Variants in FBXL20 observed in about 807,000 individuals in gnomAD.
FBXL20 encodes F-box/LRR-repeat protein 20.
Under a neutral mutation model 64.0 loss-of-function variants are expected in FBXL20, and 11 were observed. The ratio of observed to expected loss-of-function variants is 0.17; its 90% confidence interval spans 0.11 to 0.28. The LOEUF (loss-of-function observed/expected upper bound fraction) is 0.28, where lower values mean the gene tolerates loss of function less well. Ranked by LOEUF, FBXL20 falls within the 10% of genes least tolerant of loss-of-function variation. The pLI is 1.00. For missense variants in FBXL20, 303 were observed against 526.2 expected, an observed-to-expected ratio of 0.58 and a Z score of 4.15; for synonymous variants, 184 against 189.0, an observed-to-expected ratio of 0.97 and a Z score of 0.22.
intron 1 of FBXL20, among the ~76,000 whole-genome samples, chr17:39,346,432 G>A (rs1321099697): frequency 6.6e-6 from 1 of 152,020 alleles, no homozygotes; most frequent in African/African-American, 2.4e-5. Flanking sequence ...TTAGAAATGC[G>A]AAACACCACC....
intron 6 of FBXL20, among the ~76,000 whole-genome samples, chr17:39,292,992 C>A (rs1460618746): frequency 6.6e-6 from 1 of 151,968 alleles, no homozygotes; most frequent in Non-Finnish European, 1.5e-5. Context: ...GGGGTTTCAC[C>A]ATGCTGGCCA....
At chr17:39,315,922 A>C (rs1037811020) in intron 2 of FBXL20, among the ~76,000 whole-genome samples, 1 of 151,954 alleles carries the variant, frequency 6.6e-6, no homozygotes, top group African/African-American at 2.4e-5. Flanking sequence ...TAAATAATAA[A>C]ATACATTAAC....
intron 2 of FBXL20, among the ~76,000 whole-genome samples, chr17:39,309,863 C>T (rs1182237356): frequency 6.7e-6 from 1 of 149,690 alleles, no homozygotes; most frequent in Non-Finnish European, 1.5e-5. Flanking sequence ...GAAAAAACAA[C>T]TTAGGCCAGG....
chr17:39,318,089 A>G (rs780028861), intron 2 of FBXL20, among the ~76,000 whole-genome samples: 32 of 152,110 alleles, frequency 2.1e-4, no homozygotes, highest in Non-Finnish European at 4.3e-4. Flanking sequence ...CCCTGCCCTC[A>G]AGCCATATAA....
chr17:39,392,830 C>T (rs770492961), intron 1 of FBXL20, among the ~76,000 whole-genome samples: 18 of 151,162 alleles, frequency 1.2e-4, no homozygotes, highest in African/African-American at 3.2e-4. Flanking sequence ...CTGACCAACA[C>T]GGTGAAATCC....
intron 1 of FBXL20, among the ~76,000 whole-genome samples, chr17:39,395,209 G>T (rs1394205232): frequency 6.6e-6 from 1 of 152,204 alleles, no homozygotes; most frequent in African/African-American, 2.4e-5. Context: ...CAGATCACCT[G>T]AGGTCAGAAG....
chr17:39,291,368 G>A (rs2047037237), intron 6 of FBXL20, among the ~76,000 whole-genome samples: 1 of 151,418 alleles, frequency 6.6e-6, no homozygotes, highest in Non-Finnish European at 1.5e-5. Flanking sequence ...GAGGGAGGGA[G>A]GAGAGAGGAG....
chr17:39,263,310 T>C (rs908716598), intron 14 of FBXL20, among the ~76,000 whole-genome samples: 5 of 152,060 alleles, frequency 3.3e-5, no homozygotes, highest in Non-Finnish European at 7.4e-5. Flanking sequence ...AGCTCAGGAG[T>C]TTGAAACCGG....
intron 1 of FBXL20, among the ~76,000 whole-genome samples, chr17:39,358,540 G>A (rs541897735): frequency 5.0e-4 from 76 of 152,066 alleles, no homozygotes; most frequent in African/African-American, 1.6e-3. Context: ...AAGATTATCC[G>A]GGCGTGGTGG....
rs1363455459 is a variant in FBXL20, at chr17:39,356,012, G to C, written c.43-12771C>G. ...GGGTGGATCATGAGGTCAGGAGTTC[G>C]AGACCAGCCTGGCCAACATGGTGAA... On this transcript the variant is annotated intron_variant, in intron 1 of 14. Transcript: ENST00000264658. Among the ~76,000 whole-genome samples the C allele has an allele frequency of 3.3e-5, 5 of 150,984 alleles. No individual in the cohort carries two copies. The East Asian group carries it at 9.9e-4, about 30-fold the overall frequency.
chr17:39,373,775 T>C (rs1056945858), intron 1 of FBXL20, among the ~76,000 whole-genome samples: 1 of 152,216 alleles, frequency 6.6e-6, no homozygotes, highest in Non-Finnish European at 1.5e-5. Context: ...GCCTTACACA[T>C]GACAAGCCAC....
At chr17:39,286,460 G>C (rs612209) in intron 6 of FBXL20, among the ~76,000 whole-genome samples, 57,644 of 151,532 alleles carry the variant, frequency 0.38, 14,067 homozygotes, top group African/African-American at 0.7. Context: ...AGTGTTCCGC[G>C]TGCCTCAGCC....
chr17:39,354,302 G>C (rs1161265328), intron 1 of FBXL20, among the ~76,000 whole-genome samples: 1 of 152,118 alleles, frequency 6.6e-6, no homozygotes, highest in Non-Finnish European at 1.5e-5. Context: ...TTGCTTTTTT[G>C]TTCATGCTAT....
At position 39,275,119 on chromosome 17, in the gene FBXL20, A is replaced by G. The variant is rs371241602; in HGVS notation, c.697-19T>C. 3 of 1,598,566 alleles carry G rather than the reference A, an allele frequency of 1.9e-6. No individual in the cohort carries two copies. Among genetic ancestry groups the G allele is most frequent in the African/African-American group, 1.3e-5 (1 of 74,212 alleles). ...TGATTTGCTAAAAAACAAGAGCAAA[A>G]AAATCCATAGATATTAGTATCTTAG... is the stretch of plus-strand genomic sequence containing the variant. On this transcript the variant is annotated intron_variant, in intron 9 of 14. Transcript: ENST00000264658.
chr17:39,355,390 T>TAAGGCTATA (rs1472527891), intron 1 of FBXL20, among the ~76,000 whole-genome samples: 4 of 152,118 alleles, frequency 2.6e-5, no homozygotes, highest in African/African-American at 9.7e-5. Flanking sequence ...CTTCATATAT[T>TAAGGCTATA]TTAAATAGCC....
chr17:39,341,619 C>T (rs1017506117), intron 2 of FBXL20, among the ~76,000 whole-genome samples: 1 of 152,140 alleles, frequency 6.6e-6, no homozygotes, highest in African/African-American at 2.4e-5. Context: ...ACTCCTTCTC[C>T]CATATACTTC....
chr17:39,265,099 A>T (rs746429260), intron 13 of FBXL20, among the ~76,000 whole-genome samples: 1 of 152,218 alleles, frequency 6.6e-6, no homozygotes, highest in Non-Finnish European at 1.5e-5. Context: ...GATCCCCTGG[A>T]TCTCTAGAAA....
chr17:39,362,409 G>A (rs748783120), intron 1 of FBXL20, among the ~76,000 whole-genome samples: 1 of 152,216 alleles, frequency 6.6e-6, no homozygotes, highest in African/African-American at 2.4e-5. Flanking sequence ...AGACCAGCCT[G>A]GGTAAGATGG....
intron 2 of FBXL20, among the ~76,000 whole-genome samples, chr17:39,310,341 C>T (rs1315268361): frequency 6.6e-6 from 1 of 151,940 alleles, no homozygotes; most frequent in Non-Finnish European, 1.5e-5. Context: ...TTTGCACATG[C>T]AATCCATGAC....
Sources: gnomAD v4.1 joint callset for allele counts (sites outside exome capture counted in the v4.1 genomes callset) on GRCh38, gnomAD v4.1.1 for gene constraint, MANE v1.5 for transcripts, NCBI Gene and HGNC (gene_info 2026-07-23, HGNC 2026-07-21) for gene names.